ACTN3: variants seen among roughly 807,000 people sequenced by gnomAD.
ACTN3 encodes the protein alpha-actinin-3.
ACTN3 carries 91 observed loss-of-function variants against 119.6 expected under a neutral mutation model. The ratio of observed to expected loss-of-function variants is 0.76; its 90% CI spans 0.64 to 0.91. ACTN3 has a LOEUF of 0.91. Among genes scored for constraint, ACTN3 ranks in the 40% least tolerant of loss-of-function variants. ACTN3 has a pLI of 0.00. For synonymous variants in ACTN3, 456 were observed against 478.8 expected (o/e 0.95, Z 0.62); for missense variants, 1,221 against 1,215.1 (o/e 1.00, Z -0.07).
chr11:66,558,069 G>A lies in ACTN3; in HGVS notation c.1171G>A (p.Gly391Ser), dbSNP rs763298569. 5 of 1,613,924 alleles carry A rather than the reference G, an allele frequency of 3.1e-6. No individual in the cohort carries two copies. Among genetic ancestry groups the A allele is most frequent in the Middle Eastern group, 1.7e-4 (1 of 6,060 alleles). The change falls in exon 11 of 21, where the codon GGC becomes AGC. Residue 391 changes from glycine (G) to serine (S), a missense_variant. Around this residue, in one of 3 missense-constraint regions of ACTN3, gnomAD observed 934 missense variants for 899.9 expected, o/e 1.04. Coordinates refer to ENST00000513398, the MANE Select transcript of ACTN3 (RefSeq NM_001104.4). Reference protein sequence around the residue: ...AWRGLEQVEKGYEDWLLSEIR... With the variant: ...AWRGLEQVEKSYEDWLLSEIR... Reference sequence around the variant, plus strand: ...GCGGGGGCTGGAGCAGGTGGAAAAGGGCTATGAGGACTGGCTGCTCTCGGA... The same window carrying A: ...GCGGGGGCTGGAGCAGGTGGAAAAGAGCTATGAGGACTGGCTGCTCTCGGA...
rs1195407946 is a variant in ACTN3 at position 66,562,782 on chromosome 11, C to T, written c.2389-14C>T. ...AGTGCTCATGGGCATAGTGCCTGGC[C>T]TCTATCCCTGCAGGGGGAAGTGGAG... On this transcript the variant is annotated splice_polypyrimidine_tract_variant and intron_variant, in intron 19 of 20. Coordinates refer to ENST00000513398, the MANE Select transcript of ACTN3 (RefSeq NM_001104.4). 1 of 1,596,318 alleles carries T rather than the reference C, an allele frequency of 6.3e-7. No individual in the cohort carries two copies. The highest frequency in any genetic ancestry group is 1.7e-5 in the Admixed American group (1 of 58,862).
In ACTN3 at chr11:66,557,917, C is replaced by G. The variant is rs1241447788; in HGVS notation, c.1116C>G (p.Gly372=). The change falls in exon 10 of 21, where the codon GGC becomes GGG. Residue 372 remains glycine, a synonymous_variant. Transcript: ENST00000513398. ...GGCCTGCCTTCATGCCCTCCGAGGG[C>G]AAGCTGGTCTCGGTGAGCTCTACAC... ...SHRPAFMPSE[G]KLVSDIANAW... The G allele has an allele frequency of 1.3e-6, 2 of 1,562,638 alleles. No individual in the cohort carries two copies. The highest frequency in any genetic ancestry group is 1.7e-6 in the Non-Finnish European group (2 of 1,152,628).
At chr11:66,554,161 G>A in intron 4 of ACTN3, 30 bp downstream of exon 4, 1 of 1,600,556 alleles carries the variant, frequency 6.2e-7, no homozygotes, top group South Asian at 1.1e-5. Flanking sequence ...GTTGGGGCCA[G>A]GTGCAGTGGC....
Position 66,560,019 on chromosome 11 carries a change from C to G in ACTN3, c.1479C>G (p.Ile493Met). 6.2e-7 allele frequency: 1 copy of G among 1,605,266 alleles called. No homozygotes were observed. Among genetic ancestry groups the G allele is most frequent in the Non-Finnish European group, 8.5e-7 (1 of 1,177,350 alleles). ...CAGTGAATAGCCGCTGCCAGGCCAT[C>G]TGCGATCAGTGGGACAACCTGGGCA... is the stretch of plus-strand genomic sequence containing the variant. ...AASVNSRCQA[I>M]CDQWDNLGTL... Residue 493 changes from isoleucine to methionine, a missense_variant, in exon 13 of 21, where the codon ATC becomes ATG. Ile to Met is a conservative substitution (Grantham distance 10). This residue lies in a region of ACTN3 where 934 missense variants were observed against 899.9 expected (regional missense o/e 1.04). Coordinates refer to ENST00000513398, the MANE Select transcript of ACTN3 (RefSeq NM_001104.4).
At position 66,559,301 on chromosome 11, in the gene ACTN3, C is replaced by T. The variant is rs747280950; in HGVS notation, c.1342C>T (p.Leu448=). The change falls in exon 12 of 21, where the codon CTG becomes TTG. Residue 448 remains leucine, a synonymous_variant. Coordinates refer to ENST00000513398, the MANE Select transcript of ACTN3 (RefSeq NM_001104.4). ...TTTGCTACAGGAGGTGCGGGCGTTG[C>T]TGCGGCGCCACGAGGCCTTTGAGAG... is the stretch of plus-strand genomic sequence containing the variant. The part of the protein sequence containing the change: ...SALLQEVRAL[L]RRHEAFESDL... 6.4e-7 allele frequency: 1 copy of T among 1,574,148 alleles called. No individual in the cohort carries two copies.
chr11:66,562,710 A>T, intron 19 of ACTN3, 86 bp from the exon 20 acceptor site: 1 of 1,429,864 alleles, frequency 7.0e-7, no homozygotes, highest in Non-Finnish European at 9.5e-7. Flanking sequence ...CTGCTAGCTG[A>T]GGTTGGACAG....
At position 66,562,401 on chromosome 11, in the gene ACTN3, T is replaced by C; in HGVS notation, c.2388+79T>C. 4 of 1,437,948 alleles carry C rather than the reference T, an allele frequency of 2.8e-6. No individual in the cohort carries two copies. The South Asian group carries it at 4.6e-5, about 16-fold the overall frequency. 89.1% of individuals were successfully genotyped at this position (1,437,948 alleles called of 1,614,324 possible). The stretch of plus-strand genomic sequence containing the variant: ...CTGATCACCTACTGTGCACCTCCCA[T>C]CTTCACATACACCATCCCCTGCATC... On this transcript the variant is annotated intron_variant, in intron 19 of 20. Transcript: ENST00000513398.
rs747618047 is a variant in ACTN3, at chr11:66,554,071, A to C, written c.409A>C (p.Thr137Pro). Residue 137 changes from threonine (T) to proline (P), a missense_variant, in exon 4 of 21, where the codon ACC becomes CCC. This residue lies in a region of ACTN3 where 239 missense variants were observed against 231.8 expected (regional missense o/e 1.03). Coordinates refer to ENST00000513398, the MANE Select transcript of ACTN3 (RefSeq NM_001104.4). ...GATTGTTGACGGGAACCTGAAGATG[A>C]CCCTGGGCATGATCTGGACCATCAT... ...EEIVDGNLKM[T>P]LGMIWTIILR... 5.8e-5 allele frequency: 94 copies of C among 1,613,518 alleles called. No homozygotes were observed. Among genetic ancestry groups the C allele is most frequent in the Non-Finnish European group, 7.6e-5 (90 of 1,179,886 alleles).
At position 66,547,064 on chromosome 11, in the gene ACTN3, T is replaced by G; in HGVS notation, c.127T>G (p.Trp43Gly). The G allele has an allele frequency of 6.6e-7, 1 of 1,509,042 alleles. No individual in the cohort carries two copies. The highest frequency in any genetic ancestry group is 8.8e-7 in the Non-Finnish European group (1 of 1,130,662). The allele number at this position is 1,509,042 out of a possible 1,614,324, so 93.5% of individuals were successfully genotyped here. ...CCGCGACCTGCTGCTGGACCCGGCC[T>G]GGGAGAAGCAGCAGCGGAAAGTGAG... ...WDRDLLLDPA[W>G]EKQQRKTFTA... is the part of the protein sequence containing the mutation. Residue 43 changes from tryptophan to glycine, a missense_variant, in exon 1 of 21, where the codon TGG (tryptophan) becomes GGG (glycine). By Grantham distance (184) the Trp-to-Gly change is radical. This residue lies in a region of ACTN3 where 239 missense variants were observed against 231.8 expected (regional missense o/e 1.03). Transcript: ENST00000513398.
chr11:66,552,068 ACT>A (rs1311133366), intron 3 of ACTN3, among the ~76,000 whole-genome samples: 1 of 137,308 alleles, frequency 7.3e-6, no homozygotes, highest in African/African-American at 2.8e-5. Flanking sequence ...AGAGCGAGAG[ACT>A]CTGTCTGAAA....
At chr11:66,552,874 TCTCTCTCACACA>T (rs1398796963) in intron 3 of ACTN3, among the ~76,000 whole-genome samples, 1,228 of 74,560 alleles carry the variant, frequency 0.016, 18 homozygotes, top group African/African-American at 0.082. Flanking sequence ...TCTCTCTCTC[TCTCTCTCACACA>T]CACACACACA....
rs752449620 is a variant in ACTN3 at position 66,560,345 on chromosome 11, G to A, written c.1677+34G>A. On this transcript the variant is annotated intron_variant, in intron 14 of 20. Transcript: ENST00000513398. Reference sequence around the variant, plus strand: ...CAGGGTTGCAGGGGATGGATAGGATGACAGGAAAGCTGGCCCCAAATTCTG... The same window carrying A: ...CAGGGTTGCAGGGGATGGATAGGATAACAGGAAAGCTGGCCCCAAATTCTG... 23 of 1,594,328 alleles carry A rather than the reference G, an allele frequency of 1.4e-5. No homozygotes were observed. The African/African-American group carries it at 1.6e-4, about 11-fold the overall frequency.
chr11:66,557,604 A>G, intron 9 of ACTN3, 95 bp from the exon 10 acceptor site: 1 of 1,346,734 alleles, frequency 7.4e-7, no homozygotes, highest in Non-Finnish European at 1.0e-6. Context: ...CCCCACCTAC[A>G]CTCTGGCCAC....
In ACTN3 at chr11:66,557,932, G is replaced by T; in HGVS notation, c.1128+3G>T. 1 of 1,613,612 alleles carries T rather than the reference G, an allele frequency of 6.2e-7. No individual in the cohort carries two copies. ...CCTCCGAGGGCAAGCTGGTCTCGGTGAGCTCTACACACATTCCCTAGGTGA... is the reference window on the plus strand; with the variant it reads ...CCTCCGAGGGCAAGCTGGTCTCGGTTAGCTCTACACACATTCCCTAGGTGA... On this transcript the variant is annotated splice_donor_region_variant and intron_variant, in intron 10 of 20. Coordinates refer to ENST00000513398, the MANE Select transcript of ACTN3 (RefSeq NM_001104.4).
Position 66,559,270 on chromosome 11 carries a change from T to C in ACTN3, c.1311T>C (p.Asp437=), listed in dbSNP as rs753355210. 6.4e-7 allele frequency: 1 copy of C among 1,565,592 alleles called. No homozygotes were observed. Among genetic ancestry groups the C allele is most frequent in the Non-Finnish European group, 8.6e-7 (1 of 1,158,498 alleles). ...AGATGCTGAGCCAGCGCGACTACGATTCGGCTTTGCTACAGGAGGTGCGGG... is the reference window on the plus strand; with the variant it reads ...AGATGCTGAGCCAGCGCGACTACGACTCGGCTTTGCTACAGGAGGTGCGGG... The part of the protein sequence containing the change: ...KEEMLSQRDY[D]SALLQEVRAL... Residue 437 remains aspartate (D), a synonymous_variant, in exon 12 of 21, where the codon GAT becomes GAC. Coordinates refer to ENST00000513398, the MANE Select transcript of ACTN3 (RefSeq NM_001104.4).
intron 2 of ACTN3, 61 bp from the exon 3 acceptor site, chr11:66,551,467 G>A (rs1003420140): frequency 4.2e-5 from 66 of 1,582,552 alleles, no homozygotes; most frequent in African/African-American, 5.4e-5. Flanking sequence ...GAGAGTTTGC[G>A]GACAATAGCT....
chr11:66,555,514 G>T, intron 7 of ACTN3, 147 bp downstream of exon 7: 1 of 765,846 alleles, frequency 1.3e-6, no homozygotes, highest in East Asian at 2.7e-5. Flanking sequence ...CCTTCTCCAG[G>T]AGTCCTCTAT....
At chr11:66,561,387 C>T in intron 16 of ACTN3, 26 bp downstream of exon 16, 4 of 1,607,184 alleles carry the variant, frequency 2.5e-6, no homozygotes, top group Non-Finnish European at 3.4e-6. Context: ...GTGGGTCCAA[C>T]CTGGGGGGAT....
rs931067920 is a variant in ACTN3 at position 66,557,800 on chromosome 11, C to T, written c.999C>T (p.Tyr333=). ...GCAAACTAGAGGACTTTCGGGACTA[C>T]CGGCGTCTGCACAAGCCGCCCCGCA... ...MQRKLEDFRD[Y]RRLHKPPRIQ... is the part of the protein sequence containing the mutation. Residue 333 remains tyrosine (Y), a synonymous_variant, in exon 10 of 21, where the codon TAC becomes TAT. Transcript: ENST00000513398. The T allele has an allele frequency of 1.2e-6, 2 of 1,613,968 alleles. No individual in the cohort carries two copies. Among genetic ancestry groups the T allele is most frequent in the Non-Finnish European group, 1.7e-6 (2 of 1,179,926 alleles).
Sources: gnomAD v4.1 joint callset for allele counts (sites outside exome capture counted in the v4.1 genomes callset) on GRCh38, gnomAD v4.1.1 for gene constraint, gnomAD v4.1.1 regional missense constraint, MANE v1.5 for transcripts, NCBI Gene and HGNC (gene_info 2026-07-23, HGNC 2026-07-21) for gene names.